The following CPEB3 variants were observed in gnomAD, a reference collection of about 807,000 sequenced individuals.
The protein encoded by CPEB3 is cytoplasmic polyadenylation element-binding protein 3.
Under a neutral mutation model 67.2 loss-of-function variants are expected in CPEB3, and 20 were observed. The observed-to-expected ratio is 0.30, with a 90% CI of 0.21 to 0.43. The LOEUF is 0.43. Ranked by LOEUF, CPEB3 falls within the 20% of genes least tolerant of loss-of-function variation. The pLI is 1.00. For synonymous variants in CPEB3, 376 were observed against 393.1 expected (o/e 0.96, Z 0.51); for missense variants, 746 against 968.6 (o/e 0.77, Z 3.05).
Position 92,131,440 on chromosome 10 carries a change from C to T in CPEB3, c.1453+11589G>A, listed in dbSNP as rs188781752. Among the ~76,000 whole-genome samples, 38 of 152,060 alleles carry T rather than the reference C, an allele frequency of 2.5e-4. No individual in the cohort carries two copies. The East Asian group carries it at 6.9e-3, about 28-fold the overall frequency. On this transcript the variant is annotated intron_variant, in intron 6 of 9. Transcript: ENST00000265997. ...GATGTTGTAAAATATGGCATATACA[C>T]GAAGAAGGCAGAAAAGAAGAATGCT...
intron 7 of CPEB3, among the ~76,000 whole-genome samples, chr10:92,095,093 T>C (rs1331316397): frequency 2.0e-5 from 3 of 152,152 alleles, no homozygotes; most frequent in African/African-American, 4.8e-5. Flanking sequence ...TCAAAAGAAC[T>C]CTGCAAAAGA....
Position 92,051,813 on chromosome 10 carries a change from A to C in CPEB3, c.*399T>G, listed in dbSNP as rs1193756098. On this transcript the variant is annotated 3_prime_UTR_variant, in exon 10 of 10. Transcript: ENST00000265997. Reference sequence around the variant, plus strand: ...AGGGGCAACTCTCTAAGTTTCTGAAAATAAGTGCATGCTCCAGTTCAAAAC... The same window carrying C: ...AGGGGCAACTCTCTAAGTTTCTGAACATAAGTGCATGCTCCAGTTCAAAAC... 6.3e-6 allele frequency: 1 copy of C among 159,408 alleles called. No individual in the cohort carries two copies. The highest frequency in any genetic ancestry group is 1.8e-4 in the East Asian group (1 of 5,504). The allele number at this position is 159,408 out of a possible 1,614,324, so 9.9% of individuals were successfully genotyped here.
chr10:92,145,590 G>A lies in CPEB3; in HGVS notation c.1223-505C>T, dbSNP rs200544589. ...GTGGAGGATGCAGTGAGCCAAGATC[G>A]TGCCATTGCACTCCAGCCTGAGCAA... On this transcript the variant is annotated intron_variant, in intron 4 of 9. Transcript: ENST00000265997. 2.4e-4 allele frequency among the ~76,000 whole-genome samples: 36 copies of A among 150,652 alleles called. 1 individual carries two copies. Among genetic ancestry groups the A allele is most frequent in the African/African-American group, 8.5e-4 (35 of 40,948 alleles).
At chr10:92,278,138 T>C (rs1842080354) in intron 1 of CPEB3, among the ~76,000 whole-genome samples, 1 of 151,768 alleles carries the variant, frequency 6.6e-6, no homozygotes, top group African/African-American at 2.4e-5. Flanking sequence ...TGAGCCGAGA[T>C]TGCGCCACTG....
intron 2 of CPEB3, among the ~76,000 whole-genome samples, chr10:92,210,932 AG>A (rs1232461318): frequency 6.6e-6 from 1 of 152,198 alleles, no homozygotes; most frequent in African/African-American, 2.4e-5. Flanking sequence ...ACTACTCAGG[AG>A]GCTGAGGCAG....
intron 3 of CPEB3, among the ~76,000 whole-genome samples, chr10:92,190,369 T>C (rs1258607262): frequency 2.0e-5 from 3 of 151,658 alleles, no homozygotes; most frequent in Non-Finnish European, 2.9e-5. Flanking sequence ...GTAAAGGATA[T>C]TGAAAGTAGG....
chr10:92,225,866 A>C (rs1850945608), intron 2 of CPEB3, among the ~76,000 whole-genome samples: 1 of 152,230 alleles, frequency 6.6e-6, no homozygotes, highest in Non-Finnish European at 1.5e-5. Context: ...TGGGAGGCCG[A>C]GGCAGGCAGA....
intron 1 of CPEB3, among the ~76,000 whole-genome samples, chr10:92,287,571 A>G (rs568101970): frequency 3.9e-5 from 6 of 152,322 alleles, no homozygotes; most frequent in African/African-American, 7.2e-5. Flanking sequence ...AACAAAGTTG[A>G]TAATAAAGAA....
At chr10:92,074,050 T>C (rs1016757283) in intron 9 of CPEB3, among the ~76,000 whole-genome samples, 1 of 152,136 alleles carries the variant, frequency 6.6e-6, no homozygotes, top group Non-Finnish European at 1.5e-5. Flanking sequence ...TGTGAAAGAA[T>C]GGTTTAAAAG....
chr10:92,065,865 G>A (rs1009749095), intron 9 of CPEB3, among the ~76,000 whole-genome samples: 6 of 151,972 alleles, frequency 3.9e-5, no homozygotes, highest in African/African-American at 9.7e-5. Context: ...AGGCTGAGGC[G>A]CAGAGATCAT....
At chr10:92,090,031 T>C (rs956161560) in intron 8 of CPEB3, among the ~76,000 whole-genome samples, 2 of 152,158 alleles carry the variant, frequency 1.3e-5, no homozygotes, top group African/African-American at 4.8e-5. Context: ...AGAAAAATGA[T>C]ACATAGGCCC....
chr10:92,178,457 C>A (rs1163769773), intron 4 of CPEB3, among the ~76,000 whole-genome samples: 1 of 152,048 alleles, frequency 6.6e-6, no homozygotes, highest in Admixed American at 6.6e-5. Context: ...CCACGCCCAG[C>A]GATCTCAATT....
intron 4 of CPEB3, among the ~76,000 whole-genome samples, chr10:92,152,248 T>C (rs1296612452): frequency 6.6e-6 from 1 of 152,224 alleles, no homozygotes; most frequent in Non-Finnish European, 1.5e-5. Flanking sequence ...ATAATTCTCA[T>C]ATCACACAAT....
Position 92,121,512 on chromosome 10 carries a change from T to C in CPEB3, c.1454-10318A>G, listed in dbSNP as rs189281789. 2.3e-4 allele frequency among the ~76,000 whole-genome samples: 35 copies of C among 151,520 alleles called. No individual in the cohort carries two copies. The East Asian group carries it at 6.7e-3, about 29-fold the overall frequency. On this transcript the variant is annotated intron_variant, in intron 6 of 9. Transcript: ENST00000265997. ...TCACTGTATTATTCTTAGAGCTTTTTTGTAGGTTTGACTTTTTTTAAATAA... is the reference window on the plus strand; with the variant it reads ...TCACTGTATTATTCTTAGAGCTTTTCTGTAGGTTTGACTTTTTTTAAATAA...
chr10:92,247,613 T>C (rs1852126132), intron 1 of CPEB3, among the ~76,000 whole-genome samples: 1 of 152,150 alleles, frequency 6.6e-6, no homozygotes, highest in Non-Finnish European at 1.5e-5. Flanking sequence ...GTCAGGCTGG[T>C]GTCGAGCTCC....
chr10:92,057,963 CAAG>C (rs1191754334), intron 9 of CPEB3, among the ~76,000 whole-genome samples: 1 of 152,088 alleles, frequency 6.6e-6, no homozygotes, highest in Non-Finnish European at 1.5e-5. Flanking sequence ...AAAACCTTCC[CAAG>C]AAGGACAGGT....
At chr10:92,055,203 TTCTG>T (rs1590040864) in intron 9 of CPEB3, among the ~76,000 whole-genome samples, 1 of 152,244 alleles carries the variant, frequency 6.6e-6, no homozygotes. Context: ...AAACAGCACC[TTCTG>T]TCTATTTGGG....
intron 2 of CPEB3, among the ~76,000 whole-genome samples, chr10:92,235,564 T>C (rs1469140603): frequency 6.6e-6 from 1 of 152,260 alleles, no homozygotes; most frequent in Non-Finnish European, 1.5e-5. Flanking sequence ...GGCCAGGCAC[T>C]GTGCTACGCA....
At chr10:92,242,196 G>A (rs1269835307) in intron 1 of CPEB3, among the ~76,000 whole-genome samples, 1 of 151,968 alleles carries the variant, frequency 6.6e-6, no homozygotes, top group Non-Finnish European at 1.5e-5. Flanking sequence ...GAAATGCTTC[G>A]CAGCCACCTT....
Sources: allele counts gnomAD v4.1 joint callset (sites outside exome capture counted in the v4.1 genomes callset), GRCh38; gene constraint gnomAD v4.1.1; transcripts MANE v1.5; gene names NCBI Gene and HGNC (gene_info 2026-07-23, HGNC 2026-07-21).